TCF7L2: variants seen among roughly 807,000 people sequenced by gnomAD.
TCF7L2 encodes the protein transcription factor 7 like 2.
A neutral mutation model predicts 77.9 loss-of-function variants in TCF7L2; 23 were observed. The observed-to-expected ratio is 0.30, with a 90% CI of 0.21 to 0.42. TCF7L2 has a LOEUF of 0.42. TCF7L2 is among the 10% of genes least tolerant of loss of function. The pLI is 1.00. For synonymous variants in TCF7L2, 413 were observed against 340.2 expected, an observed-to-expected ratio of 1.21 and a Z score of -2.36; for missense variants, 654 against 793.1, an observed-to-expected ratio of 0.82 and a Z score of 2.11.
At chr10:112,970,517 A>T (rs564022475) in intron 4 of TCF7L2, among the ~76,000 whole-genome samples, 9 of 151,998 alleles carry the variant, frequency 5.9e-5, no homozygotes, top group Admixed American at 3.3e-4. Flanking sequence ...CTGGATGTTC[A>T]GTCTTGTCCG....
chr10:113,142,349 A>G (rs2068531775), intron 6 of TCF7L2, among the ~76,000 whole-genome samples: 1 of 151,968 alleles, frequency 6.6e-6, no homozygotes, highest in Admixed American at 6.5e-5. Context: ...GGGGAGAGGG[A>G]GGGAAGGTGG....
intron 5 of TCF7L2, among the ~76,000 whole-genome samples, chr10:113,075,596 A>G (rs1163934525): frequency 6.6e-6 from 1 of 152,188 alleles, no homozygotes; most frequent in Non-Finnish European, 1.5e-5. Flanking sequence ...GTATTCTTCA[A>G]AAAAAGAGAA....
intron 5 of TCF7L2, among the ~76,000 whole-genome samples, chr10:113,114,154 G>C (rs1408281407): frequency 6.6e-6 from 1 of 152,138 alleles, no homozygotes; most frequent in African/African-American, 2.4e-5. Context: ...GTTTGCTCTG[G>C]CACTGTAGTT....
chr10:112,953,372 G>A (rs954180985), intron 3 of TCF7L2, among the ~76,000 whole-genome samples: 1 of 152,186 alleles, frequency 6.6e-6, no homozygotes, highest in Non-Finnish European at 1.5e-5. Flanking sequence ...CAGCTGTAGG[G>A]GAAGCACAGT....
chr10:112,968,978 A>G (rs1432046639), intron 4 of TCF7L2, among the ~76,000 whole-genome samples: 4 of 152,124 alleles, frequency 2.6e-5, no homozygotes, highest in African/African-American at 9.7e-5. Flanking sequence ...AAAGCAGTCA[A>G]TGATAAACCC....
At chr10:113,090,015 G>A (rs769862716) in intron 5 of TCF7L2, among the ~76,000 whole-genome samples, 5 of 152,094 alleles carry the variant, frequency 3.3e-5, no homozygotes, top group Non-Finnish European at 4.4e-5. Context: ...ACTTTGCCTC[G>A]ACAATACCTA....
chr10:113,022,618 T>C (rs1431568161), intron 4 of TCF7L2, among the ~76,000 whole-genome samples: 1 of 152,182 alleles, frequency 6.6e-6, no homozygotes, highest in Non-Finnish European at 1.5e-5. Flanking sequence ...TTTTGGATGA[T>C]TTAAAATCTT....
In TCF7L2 at chr10:112,950,298, C is replaced by T. The variant is rs998157729; in HGVS notation, c.-459C>T. On this transcript the variant is annotated 5_prime_UTR_variant, in exon 1 of 14. Transcript: ENST00000627217. ...TCCGTTCCTCCGGATTTCGATCCCC[C>T]TTTTTCTATCTGTCAATCAGCGCCG... 5.1e-5 allele frequency: 12 copies of T among 233,666 alleles called. No individual in the cohort carries two copies. The highest frequency in any genetic ancestry group is 1.3e-3 in the Middle Eastern group (1 of 768). 14.5% of individuals were successfully genotyped at this position (233,666 alleles called of 1,614,324 possible). A position where few individuals can be genotyped will look rare whatever the true frequency, so the allele number is the denominator to read the frequency against.
Position 112,965,896 on chromosome 10 carries a change from G to A in TCF7L2, c.450+1272G>A, listed in dbSNP as rs187599938. Among the ~76,000 whole-genome samples, 444 of 152,088 alleles carry A rather than the reference G, an allele frequency of 2.9e-3. 3 individuals carry two copies. Among genetic ancestry groups the A allele is most frequent in the African/African-American group, 0.01 (417 of 41,442 alleles). Reference sequence around the variant, plus strand: ...ACTTATTTTAAAAATATTTGAGGCTGGGTGAGGTGGCTCATGCCTGTAATC... The same window carrying A: ...ACTTATTTTAAAAATATTTGAGGCTAGGTGAGGTGGCTCATGCCTGTAATC... On this transcript the variant is annotated intron_variant, in intron 4 of 13. Coordinates refer to ENST00000627217, the MANE Select transcript of TCF7L2 (RefSeq NM_001146274.2).
intron 4 of TCF7L2, among the ~76,000 whole-genome samples, chr10:112,976,382 T>A (rs1241510029): frequency 6.6e-6 from 1 of 152,248 alleles, no homozygotes; most frequent in Non-Finnish European, 1.5e-5. Flanking sequence ...TTATGACTCC[T>A]ATTCCTGTTG....
chr10:112,965,627 ATATGTG>A (rs1292288288), intron 4 of TCF7L2, among the ~76,000 whole-genome samples: 22 of 68,300 alleles, frequency 3.2e-4, no homozygotes, highest in East Asian at 5.8e-3. Context: ...GTGTGTGTGT[ATATGTG>A]TGTGTGTGTG....
At chr10:113,127,123 CAAAA>C (rs953495839) in intron 5 of TCF7L2, 9 of 182,074 alleles carry the variant, frequency 4.9e-5, no homozygotes, top group Non-Finnish European at 9.4e-5. Flanking sequence ...CAAAACAAAA[CAAAA>C]AAAACGAAAA....
intron 5 of TCF7L2, among the ~76,000 whole-genome samples, chr10:113,101,359 A>G (rs1169675216): frequency 6.6e-6 from 1 of 152,060 alleles, no homozygotes; most frequent in African/African-American, 2.4e-5. Context: ...CTTGGGCAAC[A>G]TAGCAAGACC....
Position 112,950,452 on chromosome 10 carries a change from T to TA in TCF7L2, c.-305_-304insA. The TA allele has an allele frequency of 3.7e-6, 1 of 267,568 alleles. No individual in the cohort carries two copies. Among genetic ancestry groups the TA allele is most frequent in the South Asian group, 6.1e-5 (1 of 16,404 alleles). The allele number at this position is 267,568 out of a possible 1,614,324, so 16.6% of individuals were successfully genotyped here. A position where few individuals can be genotyped will look rare whatever the true frequency, so the allele number is the denominator to read the frequency against. ...CTGACTTCTTGTTGTTGTTGGTGTT[T>TA]TTTTTTTTTTTACCCCCCTTTTTTA... On this transcript the variant is annotated 5_prime_UTR_variant, in exon 1 of 14. Transcript: ENST00000627217.
At chr10:113,023,109 G>C (rs2048510462) in intron 4 of TCF7L2, among the ~76,000 whole-genome samples, 1 of 152,118 alleles carries the variant, frequency 6.6e-6, no homozygotes, top group Non-Finnish European at 1.5e-5. Flanking sequence ...GTGTTTCCTG[G>C]GCACATTGGC....
intron 5 of TCF7L2, among the ~76,000 whole-genome samples, chr10:113,106,612 T>C (rs1165626453): frequency 6.6e-6 from 1 of 152,186 alleles, no homozygotes. Flanking sequence ...GATGGATTAA[T>C]ATAATCATCT....
At chr10:113,133,318 T>G (rs1430714599) in intron 5 of TCF7L2, 1 of 152,082 alleles carries the variant, frequency 6.6e-6, no homozygotes, top group East Asian at 1.9e-4. Flanking sequence ...TCCTCCATCT[T>G]AACACCTTCT....
intron 4 of TCF7L2, among the ~76,000 whole-genome samples, chr10:113,019,969 C>A (rs929658190): frequency 1.3e-5 from 2 of 152,130 alleles, no homozygotes; most frequent in African/African-American, 4.8e-5. Flanking sequence ...TTTGTTGTAA[C>A]CTTTGAGCCG....
At chr10:113,094,843 G>T (rs866772138) in intron 5 of TCF7L2, among the ~76,000 whole-genome samples, 1 of 152,202 alleles carries the variant, frequency 6.6e-6, no homozygotes, top group African/African-American at 2.4e-5. Flanking sequence ...TGTTGGCCGG[G>T]CACTGTGGCT....
Sources: allele counts gnomAD v4.1 joint callset (sites outside exome capture counted in the v4.1 genomes callset), GRCh38; gene constraint gnomAD v4.1.1; transcripts MANE v1.5; gene names NCBI Gene and HGNC (gene_info 2026-07-23, HGNC 2026-07-21).